The following GALNTL6 variants were observed in gnomAD, a reference collection of about 807,000 sequenced individuals.
GALNTL6 encodes polypeptide N-acetylgalactosaminyltransferase like 6, also known as polypeptide N-acetylgalactosaminyltransferase-like 6.
A neutral mutation model predicts 73.7 loss-of-function variants in GALNTL6; 46 were observed. The observed-to-expected ratio is 0.62, with a 90% CI of 0.49 to 0.80. The LOEUF (loss-of-function observed/expected upper bound fraction) is 0.80, where lower values mean the gene tolerates loss of function less well. Ranked by LOEUF, GALNTL6 falls within the 30% of genes least tolerant of loss-of-function variation. GALNTL6 has a pLI of 0.00. For synonymous variants in GALNTL6, 259 were observed against 263.7 expected (o/e 0.98, Z 0.17); for missense variants, 604 against 755.0 (o/e 0.80, Z 2.34).
chr4:172,832,787 G>A (rs1043964918), intron 7 of GALNTL6, among the ~76,000 whole-genome samples: 5 of 152,124 alleles, frequency 3.3e-5, no homozygotes, highest in East Asian at 1.9e-4. Context: ...TCTGTCTCTC[G>A]TCTCTCTCTC....
chr4:171,841,563 A>G (rs924740686), intron 2 of GALNTL6, among the ~76,000 whole-genome samples: 1 of 152,122 alleles, frequency 6.6e-6, no homozygotes, highest in African/African-American at 2.4e-5. Context: ...TTTTCTTCAT[A>G]AAATCCCAAC....
intron 2 of GALNTL6, among the ~76,000 whole-genome samples, chr4:172,206,846 C>G (rs556676469): frequency 9.6e-5 from 10 of 104,442 alleles, no homozygotes; most frequent in African/African-American, 3.4e-4. Flanking sequence ...GAGACGGAGT[C>G]TCACTCTGTC....
chr4:172,888,025 T>C (rs988453471), intron 8 of GALNTL6, among the ~76,000 whole-genome samples: 1 of 152,208 alleles, frequency 6.6e-6, no homozygotes, highest in African/African-American at 2.4e-5. Context: ...TTTGCCCACA[T>C]TTTAGCAGGG....
At chr4:172,566,721 GA>G (rs977759524) in intron 5 of GALNTL6, among the ~76,000 whole-genome samples, 5 of 150,612 alleles carry the variant, frequency 3.3e-5, no homozygotes, top group African/African-American at 1.2e-4. Context: ...AAAAACAACA[GA>G]AAAAAATAAA....
intron 5 of GALNTL6, among the ~76,000 whole-genome samples, chr4:172,459,467 A>G (rs948734619): frequency 4.6e-5 from 7 of 152,196 alleles, no homozygotes; most frequent in Admixed American, 3.9e-4. Context: ...AGAAAACCCC[A>G]TTGTCTCAGC....
intron 2 of GALNTL6, among the ~76,000 whole-genome samples, chr4:171,983,948 G>A (rs1739990721): frequency 6.6e-6 from 1 of 152,190 alleles, no homozygotes; most frequent in African/African-American, 2.4e-5. Context: ...CCCCTAGTGT[G>A]GGCCTCAGCA....
intron 5 of GALNTL6, among the ~76,000 whole-genome samples, chr4:172,584,127 T>C (rs1338304398): frequency 1.3e-5 from 2 of 150,530 alleles, no homozygotes; most frequent in Admixed American, 6.6e-5. Context: ...GACAAATAAG[T>C]AATTGCAAAA....
intron 5 of GALNTL6, among the ~76,000 whole-genome samples, chr4:172,788,608 C>T (rs893720362): frequency 2.8e-5 from 4 of 141,382 alleles, no homozygotes; most frequent in African/African-American, 5.2e-5. Context: ...GGAGGCGGAG[C>T]TTGCAGTGGG....
At chr4:172,467,601 C>T (rs879739377) in intron 5 of GALNTL6, among the ~76,000 whole-genome samples, 10 of 152,126 alleles carry the variant, frequency 6.6e-5, no homozygotes, top group Non-Finnish European at 1.3e-4. Flanking sequence ...TACTGGCACA[C>T]TGTCAATTAT....
At chr4:171,953,631 A>C (rs1006563181) in intron 2 of GALNTL6, among the ~76,000 whole-genome samples, 1 of 152,142 alleles carries the variant, frequency 6.6e-6, no homozygotes, top group East Asian at 1.9e-4. Flanking sequence ...TTAGTTTTGG[A>C]AAGAATCTCC....
At chr4:172,203,588 C>T (rs1560967835) in intron 2 of GALNTL6, among the ~76,000 whole-genome samples, 1 of 152,104 alleles carries the variant, frequency 6.6e-6, no homozygotes, top group Non-Finnish European at 1.5e-5. Flanking sequence ...GGAGGCAAGG[C>T]AGGAATCAGG....
chr4:172,200,015 A>G (rs1005531464), intron 2 of GALNTL6, among the ~76,000 whole-genome samples: 1 of 152,176 alleles, frequency 6.6e-6, no homozygotes, highest in Non-Finnish European at 1.5e-5. Flanking sequence ...AATTACACAT[A>G]TAGAGAAGCT....
intron 3 of GALNTL6, among the ~76,000 whole-genome samples, chr4:172,285,043 T>G (rs1739198365): frequency 6.6e-6 from 1 of 152,212 alleles, no homozygotes; most frequent in Non-Finnish European, 1.5e-5. Flanking sequence ...AGTATGGTCA[T>G]TGTAATAATA....
At chr4:171,816,370 A>G (rs1734524417) in intron 2 of GALNTL6, 1 of 152,020 alleles carries the variant, frequency 6.6e-6, no homozygotes, top group African/African-American at 2.4e-5. Context: ...AGAAAAAAAA[A>G]ACTGTGACAG....
intron 8 of GALNTL6, among the ~76,000 whole-genome samples, chr4:172,928,066 G>C (rs1211088289): frequency 6.6e-6 from 1 of 152,126 alleles, no homozygotes; most frequent in African/African-American, 2.4e-5. Context: ...TTTCTTTATA[G>C]AACAAGAGCC....
intron 2 of GALNTL6, among the ~76,000 whole-genome samples, chr4:171,965,240 T>C (rs1180835173): frequency 6.6e-6 from 1 of 152,202 alleles, no homozygotes; most frequent in Non-Finnish European, 1.5e-5. Flanking sequence ...ATTTTGATCA[T>C]TAGTATGCCA....
At chr4:172,964,194 G>C (rs558235992) in intron 10 of GALNTL6, among the ~76,000 whole-genome samples, 64 of 152,282 alleles carry the variant, frequency 4.2e-4, no homozygotes, top group Non-Finnish European at 8.2e-4. Flanking sequence ...CTCTTTTTGT[G>C]TCAAGATGCT....
chr4:171,949,603 G>T (rs1287019323), intron 2 of GALNTL6, among the ~76,000 whole-genome samples: 1 of 152,148 alleles, frequency 6.6e-6, no homozygotes, highest in Non-Finnish European at 1.5e-5. Context: ...GAAATTCTCA[G>T]ATTCAAATTA....
intron 2 of GALNTL6, among the ~76,000 whole-genome samples, chr4:172,021,576 G>T (rs1741403120): frequency 2.0e-5 from 3 of 151,918 alleles, no homozygotes; most frequent in Admixed American, 6.6e-5. Flanking sequence ...ATTCTTCATG[G>T]AAATAGAAAA....
Sources: allele counts gnomAD v4.1 joint callset (sites outside exome capture counted in the v4.1 genomes callset), GRCh38; gene constraint gnomAD v4.1.1; transcripts MANE v1.5; gene names NCBI Gene and HGNC (gene_info 2026-07-23, HGNC 2026-07-21).